Variants in DRD2 observed in about 807,000 individuals in gnomAD.
DRD2 encodes D(2) dopamine receptor.
DRD2 carries 8 observed loss-of-function variants against 38.0 expected under a neutral mutation model. That is an observed-to-expected ratio of 0.21 (90% CI 0.12 to 0.38). DRD2 has a LOEUF of 0.38. Ranked by LOEUF, DRD2 falls within the 10% of genes least tolerant of loss-of-function variation. The pLI, the probability that DRD2 is intolerant of heterozygous loss-of-function variation, is 1.00. For missense variants in DRD2, 403 were observed against 607.7 expected (o/e 0.66, Z 3.54); for synonymous variants, 230 against 238.6 (o/e 0.96, Z 0.33).
intron 1 of DRD2, among the ~76,000 whole-genome samples, chr11:113,454,163 G>C (rs1482914109): frequency 6.6e-6 from 1 of 152,058 alleles, no homozygotes; most frequent in Non-Finnish European, 1.5e-5. Flanking sequence ...CTTCAAATTA[G>C]AGCATTATTA....
At chr11:113,442,667 T>C (rs4648318) in intron 1 of DRD2, among the ~76,000 whole-genome samples, 50,871 of 152,024 alleles carry the variant, frequency 0.33, 9,525 homozygotes, top group East Asian at 0.58. Context: ...CAAATCTCTC[T>C]CCCTAAAGGT....
intron 1 of DRD2, among the ~76,000 whole-genome samples, chr11:113,445,919 C>T (rs1245913448): frequency 6.6e-6 from 1 of 152,190 alleles, no homozygotes; most frequent in South Asian, 2.1e-4. Flanking sequence ...CTGCTGGCTA[C>T]AGAGATGCTG....
At chr11:113,432,318 CT>C (rs1565667515) in intron 1 of DRD2, among the ~76,000 whole-genome samples, 5 of 151,730 alleles carry the variant, frequency 3.3e-5, no homozygotes, top group South Asian at 2.1e-4. Flanking sequence ...CTCTCTCTCT[CT>C]CTCTCTCCCT....
chr11:113,446,938 G>A (rs1306936299), intron 1 of DRD2, among the ~76,000 whole-genome samples: 1 of 152,204 alleles, frequency 6.6e-6, no homozygotes, highest in Non-Finnish European at 1.5e-5. Context: ...AGGAGCTGAT[G>A]GCTGATAGGA....
chr11:113,457,975 G>A (rs1261815899), intron 1 of DRD2, among the ~76,000 whole-genome samples: 1 of 152,274 alleles, frequency 6.6e-6, no homozygotes. Context: ...AGCCTGGGCT[G>A]GGGAGGGGCA....
chr11:113,414,605 G>C (rs1950804545), intron 5 of DRD2, 144 bp from the exon 6 acceptor site: 1 of 808,502 alleles, frequency 1.2e-6, no homozygotes, highest in Non-Finnish European at 2.1e-6. Flanking sequence ...AGGCAGTTGG[G>C]GCAAGGGGGA....
intron 4 of DRD2, among the ~76,000 whole-genome samples, chr11:113,416,301 C>G (rs377456999): frequency 3.9e-5 from 6 of 152,198 alleles, no homozygotes; most frequent in Non-Finnish European, 8.8e-5. Flanking sequence ...GGAAGTTCCA[C>G]GCTGGCGGGG....
At chr11:113,464,849 C>T (rs991030106) in intron 1 of DRD2, among the ~76,000 whole-genome samples, 4 of 152,152 alleles carry the variant, frequency 2.6e-5, no homozygotes, top group Admixed American at 2.0e-4. Context: ...ACACTTTTAC[C>T]GATATCCTTA....
Position 113,424,544 on chromosome 11 carries a change from G to A in DRD2, c.108C>T (p.Tyr36=). The change falls in exon 2 of 8, where the codon TAC becomes TAT. Residue 36 remains tyrosine (Y), a synonymous_variant. Coordinates refer to ENST00000362072, the MANE Select transcript of DRD2 (RefSeq NM_000795.4). ...DGKADRPHYN[Y]YATLLTLLIA... ...TGAGCAGGGTGAGCAGTGTGGCATA[G>A]TAGTTGTAGTGGGGTCTGTCCGCCT... 6.2e-7 allele frequency: 1 copy of A among 1,614,250 alleles called. No homozygotes were observed. The highest frequency in any genetic ancestry group is 8.5e-7 in the Non-Finnish European group (1 of 1,180,040).
At chr11:113,428,348 G>C (rs12799083) in intron 1 of DRD2, among the ~76,000 whole-genome samples, 2,938 of 152,308 alleles carry the variant, frequency 0.019, 34 homozygotes, top group Non-Finnish European at 0.028. Flanking sequence ...ACAGGGTAGG[G>C]CCTTTAATCC....
In DRD2 at chr11:113,463,120, AC is replaced by A. The variant is rs1196787640; in HGVS notation, c.-32+11955del. Among the ~76,000 whole-genome samples the A allele has an allele frequency of 8.5e-5, 13 of 152,300 alleles. No individual in the cohort carries two copies. In the East Asian group the frequency reaches 2.1e-3, roughly 25 times the overall value. ...GCTGTAGCCCCATCACATAAAGTGA[AC>A]CCCTCAAAATACATAAGTATTTTGG... is the stretch of plus-strand genomic sequence containing the variant. On this transcript the variant is annotated intron_variant, in intron 1 of 7. Coordinates refer to ENST00000362072, the MANE Select transcript of DRD2 (RefSeq NM_000795.4).
chr11:113,420,460 T>C (rs905834261), intron 2 of DRD2, among the ~76,000 whole-genome samples: 2 of 152,172 alleles, frequency 1.3e-5, no homozygotes, highest in Non-Finnish European at 1.5e-5. Context: ...AGAAAATGCA[T>C]TGGTGGCCAC....
At chr11:113,461,075 A>G (rs1010123919) in intron 1 of DRD2, among the ~76,000 whole-genome samples, 9 of 152,266 alleles carry the variant, frequency 5.9e-5, no homozygotes, top group Non-Finnish European at 2.9e-5. Context: ...CCAAGAGGGC[A>G]GGCTCTGAAG....
intron 1 of DRD2, among the ~76,000 whole-genome samples, chr11:113,427,166 A>G (rs1273573467): frequency 6.6e-6 from 1 of 152,186 alleles, no homozygotes; most frequent in Non-Finnish European, 1.5e-5. Context: ...GCTTTTAATT[A>G]TTATCCCTGT....
intron 1 of DRD2, among the ~76,000 whole-genome samples, chr11:113,464,389 G>GTGCCC (rs1951349464): frequency 1.3e-5 from 2 of 152,078 alleles, no homozygotes; most frequent in African/African-American, 4.8e-5. Flanking sequence ...TTCCTTTCAG[G>GTGCCC]TGCCCACCAA....
intron 5 of DRD2, chr11:113,415,216 A>C: frequency 2.0e-6 from 1 of 503,160 alleles, no homozygotes; most frequent in Non-Finnish European, 3.4e-6. Context: ...AGTGTCATGG[A>C]CCCTGCCTCC....
chr11:113,464,111 T>G (rs995144663), intron 1 of DRD2, among the ~76,000 whole-genome samples: 3 of 152,364 alleles, frequency 2.0e-5, no homozygotes, highest in Admixed American at 1.3e-4. Context: ...TATACCCACT[T>G]GCCACCCTGT....
At chr11:113,463,642 C>A (rs560228886) in intron 1 of DRD2, among the ~76,000 whole-genome samples, 47 of 152,212 alleles carry the variant, frequency 3.1e-4, no homozygotes, top group African/African-American at 1.1e-3. Context: ...GGTGTGCATG[C>A]GTGTTTGCGG....
chr11:113,427,625 G>C (rs1034090263), intron 1 of DRD2, among the ~76,000 whole-genome samples: 2 of 152,168 alleles, frequency 1.3e-5, no homozygotes, highest in Non-Finnish European at 2.9e-5. Context: ...GGCTCTGTTA[G>C]TGCAACTGGG....
Sources: allele counts gnomAD v4.1 joint callset (sites outside exome capture counted in the v4.1 genomes callset), GRCh38; gene constraint gnomAD v4.1.1; transcripts MANE v1.5; gene names NCBI Gene and HGNC (gene_info 2026-07-23, HGNC 2026-07-21).